CACNA2D3: variants seen among roughly 807,000 people sequenced by gnomAD.
CACNA2D3 encodes the protein voltage-dependent calcium channel subunit alpha-2/delta-3.
CACNA2D3 carries 60 observed loss-of-function variants against 160.6 expected under a neutral mutation model. That is an observed-to-expected ratio of 0.37 (90% CI 0.30 to 0.46). The LOEUF (loss-of-function observed/expected upper bound fraction) is 0.46, where lower values mean the gene tolerates loss of function less well. Ranked by LOEUF, CACNA2D3 falls within the 20% of genes least tolerant of loss-of-function variation. The pLI, the probability that CACNA2D3 is intolerant of heterozygous loss-of-function variation, is 1.00. For missense variants in CACNA2D3, 1,205 were observed against 1,365.0 expected (o/e 0.88, Z 1.85); for synonymous variants, 558 against 492.9 (o/e 1.13, Z -1.75).
chr3:54,887,819 A>G, intron 23 of CACNA2D3, 140 bp from the exon 24 acceptor site: 1 of 648,700 alleles, frequency 1.5e-6, no homozygotes. Flanking sequence ...TCATATTTTC[A>G]ACTAGTGGGA....
intron 3 of CACNA2D3, among the ~76,000 whole-genome samples, chr3:54,348,575 G>A (rs1025313152): frequency 1.3e-5 from 2 of 152,128 alleles, no homozygotes; most frequent in African/African-American, 4.8e-5. Flanking sequence ...TCTCTTGTTC[G>A]CAGAAGAAAC....
chr3:54,575,275 A>G (rs1325907518), intron 8 of CACNA2D3, among the ~76,000 whole-genome samples: 1 of 152,210 alleles, frequency 6.6e-6, no homozygotes, highest in Non-Finnish European at 1.5e-5. Flanking sequence ...TTACATGAGC[A>G]TGGCAGCATT....
At chr3:54,918,650 G>T in intron 27 of CACNA2D3, 1 of 1,614,146 alleles carries the variant, frequency 6.2e-7, no homozygotes. Context: ...ATGGCATGAC[G>T]CAGGTTGGCC....
intron 2 of CACNA2D3, among the ~76,000 whole-genome samples, chr3:54,162,556 A>G (rs1700366533): frequency 6.6e-6 from 1 of 152,144 alleles, no homozygotes; most frequent in African/African-American, 2.4e-5. Context: ...CTTTGGCATC[A>G]CTTATGCCAT....
chr3:54,265,253 C>A (rs1326599719), intron 2 of CACNA2D3, among the ~76,000 whole-genome samples: 2 of 152,130 alleles, frequency 1.3e-5, no homozygotes, highest in Non-Finnish European at 2.9e-5. Context: ...TCTGTTGTTT[C>A]CTGACTTTTT....
intron 4 of CACNA2D3, among the ~76,000 whole-genome samples, chr3:54,449,528 C>G (rs999452623): frequency 2.0e-5 from 3 of 152,098 alleles, no homozygotes; most frequent in Admixed American, 2.0e-4. Flanking sequence ...GTGTTCCCAC[C>G]CAAATCTCAT....
chr3:54,865,361 CCAAAGTACTTAGATTGTGACTCTCT>C (rs1299724583), intron 17 of CACNA2D3, among the ~76,000 whole-genome samples: 4 of 152,184 alleles, frequency 2.6e-5, no homozygotes, highest in East Asian at 1.9e-4. Context: ...CACCAAATGC[CCAAAGTACTTAGATTGTGACTCTCT>C]CAAAGTACTT....
intron 13 of CACNA2D3, among the ~76,000 whole-genome samples, chr3:54,783,975 C>T (rs911623910): frequency 6.6e-6 from 1 of 151,974 alleles, no homozygotes; most frequent in South Asian, 2.1e-4. Context: ...TTTATATAAC[C>T]CCAACTGCTG....
At chr3:54,922,334 T>C (rs1700875585) in intron 27 of CACNA2D3, among the ~76,000 whole-genome samples, 1 of 152,056 alleles carries the variant, frequency 6.6e-6, no homozygotes, top group Non-Finnish European at 1.5e-5. Context: ...TTTTTTTTTT[T>C]TTTAATCAAG....
chr3:54,865,315 C>T (rs995368273), intron 17 of CACNA2D3, among the ~76,000 whole-genome samples: 3 of 152,170 alleles, frequency 2.0e-5, no homozygotes, highest in Non-Finnish European at 2.9e-5. Context: ...AACAATGAGC[C>T]GTTATTACAT....
intron 11 of CACNA2D3, among the ~76,000 whole-genome samples, chr3:54,705,176 T>C (rs1008515018): frequency 2.0e-5 from 3 of 152,236 alleles, no homozygotes; most frequent in African/African-American, 7.2e-5. Context: ...ATTTAGCAAA[T>C]ATTCACATTT....
chr3:54,804,161 A>C (rs747461149), intron 13 of CACNA2D3, among the ~76,000 whole-genome samples: 1,849 of 152,172 alleles, frequency 0.012, 45 homozygotes, highest in Admixed American at 0.05. Context: ...TGAGCAAAAT[A>C]ACCAGCTAAC....
intron 4 of CACNA2D3, among the ~76,000 whole-genome samples, chr3:54,445,173 C>G (rs56983768): frequency 0.031 from 4,783 of 152,292 alleles, 218 homozygotes; most frequent in African/African-American, 0.099. Context: ...GCTGGGACAA[C>G]CCCCCTCTAA....
intron 2 of CACNA2D3, among the ~76,000 whole-genome samples, chr3:54,298,521 G>A (rs1211933019): frequency 3.3e-5 from 5 of 152,180 alleles, no homozygotes; most frequent in Admixed American, 6.5e-5. Context: ...GGAGTAGGCC[G>A]GGCGCAGTGG....
At chr3:54,872,835 A>C (rs934229710) in intron 18 of CACNA2D3, among the ~76,000 whole-genome samples, 1 of 152,136 alleles carries the variant, frequency 6.6e-6, no homozygotes, top group Non-Finnish European at 1.5e-5. Context: ...CCGCAAGCCA[A>C]TGAGCTGACA....
chr3:54,924,942 A>G (rs1274921219), intron 27 of CACNA2D3: 1 of 1,612,098 alleles, frequency 6.2e-7, no homozygotes, highest in African/African-American at 1.3e-5. Context: ...AAGCCCATGG[A>G]AAGCTCCAGG....
At chr3:54,939,733 T>C (rs75171505) in intron 27 of CACNA2D3, among the ~76,000 whole-genome samples, 2,642 of 152,300 alleles carry the variant, frequency 0.017, 74 homozygotes, top group African/African-American at 0.059. Flanking sequence ...CTCTCTTCAT[T>C]GCTGGGCAGG....
rs556525105 is a variant in CACNA2D3, at chr3:54,442,071, G to C, written c.381+55297G>C. ...CAATCCTCCTGCCTCTGCCTCCTAA[G>C]TAGCAAGGACTATAGATGTGTACCA... On this transcript the variant is annotated intron_variant, in intron 4 of 37. Coordinates refer to ENST00000474759, the MANE Select transcript of CACNA2D3 (RefSeq NM_018398.3). Among the ~76,000 whole-genome samples the C allele has an allele frequency of 1.1e-4, 17 of 152,276 alleles. No individual in the cohort carries two copies. The East Asian group carries it at 3.1e-3, about 28-fold the overall frequency.
chr3:54,976,056 T>TAC (rs3841944), intron 29 of CACNA2D3, among the ~76,000 whole-genome samples: 14,406 of 144,880 alleles, frequency 0.099, 741 homozygotes, highest in Middle Eastern at 0.18. Context: ...TAGATATAGA[T>TAC]ACACACACAC....
Sources: allele counts gnomAD v4.1 joint callset (sites outside exome capture counted in the v4.1 genomes callset), GRCh38; gene constraint gnomAD v4.1.1; transcripts MANE v1.5; gene names NCBI Gene and HGNC (gene_info 2026-07-23, HGNC 2026-07-21).